Variants in ROCK1 observed in about 807,000 individuals in gnomAD.
The protein encoded by ROCK1 is Rho associated coiled-coil containing protein kinase 1.
A neutral mutation model predicts 196.8 loss-of-function variants in ROCK1; 36 were observed. The observed-to-expected ratio is 0.18, with a 90% CI of 0.14 to 0.24. ROCK1 has a LOEUF of 0.24. Among genes scored for constraint, ROCK1 ranks in the 10% least tolerant of loss-of-function variants. ROCK1 has a pLI of 1.00. For synonymous variants in ROCK1, 443 were observed against 515.9 expected (o/e 0.86, Z 1.91); for missense variants, 920 against 1,562.0 (o/e 0.59, Z 6.93).
At chr18:21,033,284 C>G (rs547076918) in intron 9 of ROCK1, among the ~76,000 whole-genome samples, 1 of 152,140 alleles carries the variant, frequency 6.6e-6, no homozygotes, top group East Asian at 1.9e-4. Flanking sequence ...ACACAACACC[C>G]CTTCATGATT....
At chr18:20,988,339 A>G (rs1324510519) in intron 18 of ROCK1, among the ~76,000 whole-genome samples, 4 of 152,078 alleles carry the variant, frequency 2.6e-5, no homozygotes, top group Non-Finnish European at 5.9e-5. Flanking sequence ...AAGTGCTAGC[A>G]TTACAGGTGT....
chr18:20,980,769 A>G (rs1204448314), intron 21 of ROCK1, among the ~76,000 whole-genome samples: 1 of 151,974 alleles, frequency 6.6e-6, no homozygotes, highest in Non-Finnish European at 1.5e-5. Flanking sequence ...ACAAAAAATT[A>G]GCTGGGCGTG....
chr18:21,086,896 A>T (rs2036532820), intron 1 of ROCK1, among the ~76,000 whole-genome samples: 1 of 152,218 alleles, frequency 6.6e-6, no homozygotes. Context: ...CTGGTATATC[A>T]TATATCAGAA....
At position 21,035,118 on chromosome 18, in the gene ROCK1, CA is replaced by C. The variant is rs200539630; in HGVS notation, c.1051+4353del. 7.8e-3 allele frequency among the ~76,000 whole-genome samples: 1,191 copies of C among 152,198 alleles called. 27 individuals are homozygous for C. The highest frequency in any genetic ancestry group is 0.028 in the African/African-American group (1,144 of 41,532). Reference sequence around the variant, plus strand: ...CATTAGGATGACTACTATTTAAACACAAAAAACAAACAAACAAAACAGAAAA... The same window carrying C: ...CATTAGGATGACTACTATTTAAACACAAAAACAAACAAACAAAACAGAAAA... On this transcript the variant is annotated intron_variant, in intron 9 of 32. Transcript: ENST00000399799.
chr18:20,988,097 G>GCCCAT (rs2035592661), intron 18 of ROCK1, among the ~76,000 whole-genome samples: 1 of 151,020 alleles, frequency 6.6e-6, no homozygotes. Context: ...ATGGTGTCTC[G>GCCCAT]CTCTGTTGCC....
intron 7 of ROCK1, 112 bp downstream of exon 7, chr18:21,042,453 C>A: frequency 2.4e-6 from 3 of 1,239,144 alleles, no homozygotes; most frequent in South Asian, 3.3e-5. Flanking sequence ...ATGTTTATTA[C>A]CCACAAATAA....
At chr18:20,993,009 GT>G in intron 16 of ROCK1, 72 bp from the exon 17 acceptor site, 1 of 889,552 alleles carries the variant, frequency 1.1e-6, no homozygotes, top group South Asian at 1.7e-5. Context: ...TGACAATTTA[GT>G]TTTTAAAAAA....
intron 16 of ROCK1, among the ~76,000 whole-genome samples, chr18:21,000,373 C>T (rs777266929): frequency 5.9e-5 from 9 of 152,050 alleles, no homozygotes; most frequent in Non-Finnish European, 1.0e-4. Context: ...AGTGATCCTC[C>T]GGCCTCAGTC....
chr18:21,016,669 C>G (rs2035865430), intron 12 of ROCK1, among the ~76,000 whole-genome samples: 1 of 152,116 alleles, frequency 6.6e-6, no homozygotes. Context: ...CAATTTGCTT[C>G]TCTTCTAGAG....
At chr18:21,014,373 A>T (rs1401014869) in intron 13 of ROCK1, among the ~76,000 whole-genome samples, 2 of 152,062 alleles carry the variant, frequency 1.3e-5, no homozygotes, top group Non-Finnish European at 2.9e-5. Flanking sequence ...AAATCTTTTC[A>T]TGTTTGTTTT....
chr18:21,092,088 G>C (rs553759527), intron 1 of ROCK1, among the ~76,000 whole-genome samples: 170 of 152,270 alleles, frequency 1.1e-3, no homozygotes, highest in Admixed American at 3.0e-3. Flanking sequence ...GCTGTTCAGG[G>C]ACCAATTGTA....
At chr18:20,979,011 C>A (rs1020565893) in intron 22 of ROCK1, among the ~76,000 whole-genome samples, 1 of 152,220 alleles carries the variant, frequency 6.6e-6, no homozygotes, top group African/African-American at 2.4e-5. Context: ...CATTACCTAG[C>A]TATGAGATAC....
chr18:21,042,308 A>G, intron 7 of ROCK1, 73 bp from the exon 8 acceptor site: 3 of 1,335,138 alleles, frequency 2.2e-6, no homozygotes, highest in Non-Finnish European at 3.0e-6. Context: ...AGGAAGAGTC[A>G]AAGTTACCCG....
At chr18:20,953,372 C>G in intron 32 of ROCK1, 2 of 412,504 alleles carry the variant, frequency 4.8e-6, no homozygotes, top group South Asian at 3.3e-5. Flanking sequence ...AGACACAGAA[C>G]TAAATAAATA....
At chr18:21,024,505 A>G (rs1443282326) in intron 10 of ROCK1, among the ~76,000 whole-genome samples, 1 of 152,206 alleles carries the variant, frequency 6.6e-6, no homozygotes, top group Non-Finnish European at 1.5e-5. Context: ...TACCATCACC[A>G]CCACTACAGT....
At chr18:21,058,356 G>C (rs900166738) in intron 2 of ROCK1, among the ~76,000 whole-genome samples, 2 of 151,982 alleles carry the variant, frequency 1.3e-5, no homozygotes, top group African/African-American at 4.8e-5. Flanking sequence ...TACCACTAGA[G>C]ATTCTAAGAT....
At chr18:21,034,477 C>G (rs1156933883) in intron 9 of ROCK1, among the ~76,000 whole-genome samples, 1 of 152,106 alleles carries the variant, frequency 6.6e-6, no homozygotes, top group Non-Finnish European at 1.5e-5. Context: ...ACAACAAAAA[C>G]CCCACAAATA....
At chr18:21,074,299 A>G (rs1332090993) in intron 1 of ROCK1, among the ~76,000 whole-genome samples, 3 of 152,230 alleles carry the variant, frequency 2.0e-5, no homozygotes, top group African/African-American at 7.2e-5. Flanking sequence ...AATCTGTTTA[A>G]CTGGTGTGAC....
At chr18:21,020,832 G>A (rs1218429391) in intron 11 of ROCK1, among the ~76,000 whole-genome samples, 1 of 152,168 alleles carries the variant, frequency 6.6e-6, no homozygotes, top group Non-Finnish European at 1.5e-5. Flanking sequence ...AATGTAATAG[G>A]AAAAACAACT....
Sources: allele counts gnomAD v4.1 joint callset (sites outside exome capture counted in the v4.1 genomes callset), GRCh38; gene constraint gnomAD v4.1.1; transcripts MANE v1.5; gene names NCBI Gene and HGNC (gene_info 2026-07-23, HGNC 2026-07-21).